Variants in FCRL4 observed in about 807,000 individuals in gnomAD.
FCRL4 encodes the protein Fc receptor-like protein 4.
FCRL4 carries 43 observed loss-of-function variants against 64.1 expected under a neutral mutation model. The ratio of observed to expected loss-of-function variants is 0.67; its 90% CI spans 0.53 to 0.87. The LOEUF (loss-of-function observed/expected upper bound fraction) is 0.87. Among genes scored for constraint, FCRL4 ranks in the 40% least tolerant of loss-of-function variants. The pLI is 0.00. For missense variants in FCRL4, 656 were observed against 613.5 expected, an observed-to-expected ratio of 1.07 and a Z score of -0.73; for synonymous variants, 253 against 239.8, an observed-to-expected ratio of 1.05 and a Z score of -0.51.
rs1571140605 is a variant in FCRL4 at position 157,586,187 on chromosome 1, C to T, written c.1116G>A (p.Val372=). The change falls in exon 6 of 12, where the codon GTG becomes GTA. Residue 372 remains valine, a synonymous_variant. Transcript: ENST00000271532. ...DNSYGPVQSM[V]LNVTVRETPG... ...ACTCACCTCTCACAGTGACATTCAGCACCATGCTCTGGACAGGGCCGTAGC... is the reference window on the plus strand; with the variant it reads ...ACTCACCTCTCACAGTGACATTCAGTACCATGCTCTGGACAGGGCCGTAGC... The T allele has an allele frequency of 6.2e-7, 1 of 1,611,000 alleles. No homozygotes were observed. The highest frequency in any genetic ancestry group is 2.2e-5 in the East Asian group (1 of 44,754).
chr1:157,597,937 A>C lies in FCRL4; in HGVS notation c.8T>G (p.Leu3Arg). The change falls in exon 1 of 12, where the codon CTG becomes CGG. Residue 3 changes from leucine (L) to arginine (R), a missense_variant. Transcript: ENST00000271532. ...ACCAAAGGCCAGCAAGGACGCCCAC[A>C]GCAGCATGGAAGCCTGCTCCAGGAT... ML[L>R]WASLLAFAPV... The C allele has an allele frequency of 5.6e-6, 9 of 1,613,426 alleles. No homozygotes were observed. Among genetic ancestry groups the C allele is most frequent in the Non-Finnish European group, 7.6e-6 (9 of 1,179,608 alleles).
chr1:157,583,105 C>T (rs181341340), intron 6 of FCRL4, among the ~76,000 whole-genome samples: 3 of 152,350 alleles, frequency 2.0e-5, no homozygotes, highest in East Asian at 1.9e-4. Context: ...AGCTCCTCAA[C>T]TTACTCACTG....
intron 3 of FCRL4, among the ~76,000 whole-genome samples, chr1:157,588,881 C>T (rs571805470): frequency 6.6e-6 from 1 of 152,348 alleles, no homozygotes; most frequent in East Asian, 1.9e-4. Flanking sequence ...AGCACATTTA[C>T]ATGTGTGTAA....
chr1:157,587,143 T>A, intron 5 of FCRL4, 133 bp downstream of exon 5: 1 of 928,770 alleles, frequency 1.1e-6, no homozygotes, highest in Non-Finnish European at 1.6e-6. Flanking sequence ...TTTATTATAG[T>A]ACTGCACTTC....
rs889835769 is a variant in FCRL4, at chr1:157,575,231, C to T, written c.*293G>A. 7.3e-6 allele frequency: 3 copies of T among 408,418 alleles called. No homozygotes were observed. Among genetic ancestry groups the T allele is most frequent in the Non-Finnish European group, 1.3e-5 (3 of 223,762 alleles). 25.3% of individuals were successfully genotyped at this position (408,418 alleles called of 1,614,324 possible). ...ACAGTCCTTCTCTCTCTTTATCCCC[C>T]TTCTCTAAAGCAGACCCTAGGGAAT... On this transcript the variant is annotated 3_prime_UTR_variant, in exon 12 of 12. Transcript: ENST00000271532.
chr1:157,587,292 T>C lies in FCRL4; in HGVS notation c.831A>G (p.Leu277=). ...RGNIHKHSPS[L]QIHVQRIPVS... is the part of the protein sequence containing the mutation. ...AACACTCACGCTGCACATGGATCTG[T>C]AGCGAGGGACTGTGCTTGTGGATGT... The change falls in exon 5 of 12, where the codon CTA becomes CTG. Residue 277 remains leucine, a synonymous_variant. Transcript: ENST00000271532. The C allele has an allele frequency of 7.4e-6, 12 of 1,614,130 alleles. No homozygotes were observed. The highest frequency in any genetic ancestry group is 1.0e-5 in the Non-Finnish European group (12 of 1,179,990).
At chr1:157,597,686 A>G (rs2101690890) in intron 1 of FCRL4, among the ~76,000 whole-genome samples, 1 of 152,302 alleles carries the variant, frequency 6.6e-6, no homozygotes, top group Non-Finnish European at 1.5e-5. Context: ...GGGTAAAATG[A>G]TTTTCCATAG....
chr1:157,578,781 A>G lies in FCRL4; in HGVS notation c.1349T>C (p.Leu450Ser). The G allele has an allele frequency of 6.2e-7, 1 of 1,613,796 alleles. No individual in the cohort carries two copies. Among genetic ancestry groups the G allele is most frequent in the Non-Finnish European group, 8.5e-7 (1 of 1,179,770 alleles). ...ICPAQVELQS[L>S]YVDVHPKKGD... Reference sequence around the variant, plus strand: ...AAGGGAATCCTCACCATCAACATACAACGACTGAAGCTCCACCTGGGCAGG... The same window carrying G: ...AAGGGAATCCTCACCATCAACATACGACGACTGAAGCTCCACCTGGGCAGG... The change falls in exon 9 of 12, where the codon TTG (leucine) becomes TCG (serine). Residue 450 changes from leucine (L) to serine (S), a missense_variant. Leu to Ser is a moderately radical substitution (Grantham distance 145). Transcript: ENST00000271532.
At position 157,584,668 on chromosome 1, in the gene FCRL4, C is replaced by T. The variant is rs72996981; in HGVS notation, c.1135+1500G>A. Among the ~76,000 whole-genome samples the T allele has an allele frequency of 6.2e-3, 948 of 152,196 alleles. 10 individuals are homozygous for T. Among genetic ancestry groups the T allele is most frequent in the African/African-American group, 0.022 (908 of 41,508 alleles). ...CTTAGTTCTGGGGAAACACCTCAGTCTCTTAACCTGGTGGGCCCTGCTTGA... is the reference window on the plus strand; with the variant it reads ...CTTAGTTCTGGGGAAACACCTCAGTTTCTTAACCTGGTGGGCCCTGCTTGA... On this transcript the variant is annotated intron_variant, in intron 6 of 11. Coordinates refer to ENST00000271532, the MANE Select transcript of FCRL4 (RefSeq NM_031282.3).
intron 2 of FCRL4, among the ~76,000 whole-genome samples, chr1:157,595,864 A>G (rs936620127): frequency 2.9e-4 from 44 of 152,250 alleles, no homozygotes; most frequent in African/African-American, 1.0e-3. Context: ...CAGAGTCATC[A>G]TAATTTGAGC....
At chr1:157,583,290 T>C (rs1379808401) in intron 6 of FCRL4, among the ~76,000 whole-genome samples, 1 of 152,150 alleles carries the variant, frequency 6.6e-6, no homozygotes, top group Non-Finnish European at 1.5e-5. Context: ...TCTCAGGAAA[T>C]TCAGGCTGCT....
At position 157,575,537 on chromosome 1, in the gene FCRL4, T is replaced by A. The variant is rs764388028; in HGVS notation, c.1535A>T (p.Asp512Val). 1 of 1,613,424 alleles carries A rather than the reference T, an allele frequency of 6.2e-7. No homozygotes were observed. The highest frequency in any genetic ancestry group is 8.5e-7 in the Non-Finnish European group (1 of 1,179,532). Residue 512 changes from aspartate to valine, a missense_variant, in exon 12 of 12, where the codon GAT becomes GTT. Physicochemically the swap from Asp to Val is radical, Grantham distance 152. Coordinates refer to ENST00000271532, the MANE Select transcript of FCRL4 (RefSeq NM_031282.3). ...CTTTTCATTCTCTTAACTTTCTTCA[T>A]CCTTAGAGCTGATCTTTCCAGCTGA... ...DNSAGKISSKDEES is the reference protein window; with the variant it reads ...DNSAGKISSKVEES
At chr1:157,591,837 A>G (rs967610624) in intron 2 of FCRL4, among the ~76,000 whole-genome samples, 75 of 152,282 alleles carry the variant, frequency 4.9e-4, no homozygotes, top group African/African-American at 1.8e-3. Context: ...TTTCAAATGC[A>G]TGTAAATGTT....
Position 157,585,393 on chromosome 1 carries a change from TC to T in FCRL4, c.1135+774del, listed in dbSNP as rs1463722182. Among the ~76,000 whole-genome samples the T allele has an allele frequency of 4.0e-3, 316 of 79,098 alleles. 5 individuals are homozygous for T. The highest frequency in any genetic ancestry group is 0.024 in the Middle Eastern group (3 of 126). The allele number at this position is 79,098 out of a possible 152,430, so 51.9% of individuals were successfully genotyped here. A position where few individuals can be genotyped will look rare whatever the true frequency, so the allele number is the denominator to read the frequency against. Reference sequence around the variant, plus strand: ...TTCTTTCTTTCTTTCTTTCTTTCTTTCCTTCTTTCTTTCTTTCTTTCTTTCT... The same window carrying T: ...TTCTTTCTTTCTTTCTTTCTTTCTTTCTTCTTTCTTTCTTTCTTTCTTTCT... On this transcript the variant is annotated intron_variant, in intron 6 of 11. Coordinates refer to ENST00000271532, the MANE Select transcript of FCRL4 (RefSeq NM_031282.3).
intron 6 of FCRL4, among the ~76,000 whole-genome samples, chr1:157,582,008 TGA>T (rs1405050028): frequency 2.0e-5 from 3 of 152,114 alleles, no homozygotes; most frequent in Non-Finnish European, 4.4e-5. Context: ...GCAAACTGCC[TGA>T]GAGAGAATGA....
chr1:157,580,770 C>T (rs1652541813), intron 7 of FCRL4, among the ~76,000 whole-genome samples: 1 of 152,202 alleles, frequency 6.6e-6, no homozygotes, highest in African/African-American at 2.4e-5. Flanking sequence ...CAGTTCAATG[C>T]AGGACACACA....
In FCRL4 at chr1:157,587,421, C is replaced by T; in HGVS notation, c.702G>A (p.Glu234=). ...ACGTGCTCCAGTCTGACAGGATGAC[C>T]TCGCCATCTCTGAAGAAGTTGAAGT... ...PLHFNFFRDG[E]VILSDWSTYP... The change falls in exon 5 of 12, where the codon GAG becomes GAA. Residue 234 remains glutamate (E), a synonymous_variant. Coordinates refer to ENST00000271532, the MANE Select transcript of FCRL4 (RefSeq NM_031282.3). The T allele has an allele frequency of 1.9e-6, 3 of 1,614,220 alleles. No individual in the cohort carries two copies. Among genetic ancestry groups the T allele is most frequent in the South Asian group, 2.2e-5 (2 of 91,088 alleles).
rs1557790854 is a variant in FCRL4, at chr1:157,587,611, T to TCCAAAC, written c.563-52_563-51insGTTTGG. The TCCAAAC allele has an allele frequency of 2.5e-6, 4 of 1,569,706 alleles. No homozygotes were observed. In the Admixed American group the frequency reaches 6.9e-5, roughly 27 times the overall value. ...CTGAGCACGAGAGTATTTAGGACTC[T>TCCAAAC]GTGAGAGACAGGTTTGGATGCTCAG... On this transcript the variant is annotated intron_variant, in intron 4 of 11. Coordinates refer to ENST00000271532, the MANE Select transcript of FCRL4 (RefSeq NM_031282.3).
At chr1:157,577,685 G>A (rs1652445291) in intron 10 of FCRL4, among the ~76,000 whole-genome samples, 2 of 152,184 alleles carry the variant, frequency 1.3e-5, no homozygotes, top group South Asian at 2.1e-4. Context: ...GAGACAGGAG[G>A]AAAACAGATC....
Sources: gnomAD v4.1 joint callset for allele counts (sites outside exome capture counted in the v4.1 genomes callset) on GRCh38, gnomAD v4.1.1 for gene constraint, MANE v1.5 for transcripts, NCBI Gene and HGNC (gene_info 2026-07-23, HGNC 2026-07-21) for gene names.